ZNF521: variants seen among roughly 807,000 people sequenced by gnomAD.
ZNF521 encodes zinc finger protein 521, also known as LYST-interacting protein 3.
ZNF521 carries 14 observed loss-of-function variants against 105.5 expected under a neutral mutation model. That is an observed-to-expected ratio of 0.13 (90% CI 0.09 to 0.21). The LOEUF is 0.21. ZNF521 is among the 10% of genes least tolerant of loss of function. ZNF521 has a pLI of 1.00. For synonymous variants in ZNF521, 635 were observed against 606.0 expected (o/e 1.05, Z -0.70); for missense variants, 1,233 against 1,629.7 (o/e 0.76, Z 4.19).
chr18:25,074,026 G>A (rs1053941132), intron 7 of ZNF521, among the ~76,000 whole-genome samples: 4 of 150,560 alleles, frequency 2.7e-5, no homozygotes, highest in African/African-American at 9.7e-5. Context: ...TGAGAGGTGT[G>A]TGTGCGTGCA....
intron 5 of ZNF521, among the ~76,000 whole-genome samples, chr18:25,139,860 T>C (rs2034813631): frequency 1.3e-5 from 2 of 152,130 alleles, no homozygotes; most frequent in Admixed American, 6.6e-5. Context: ...GGTTCTGAGA[T>C]TGGAGCCCTC....
intron 5 of ZNF521, among the ~76,000 whole-genome samples, chr18:25,095,671 A>C (rs2033837048): frequency 6.6e-6 from 1 of 152,178 alleles, no homozygotes; most frequent in Non-Finnish European, 1.5e-5. Context: ...TACAACACTG[A>C]AATTTTGCTA....
At chr18:25,329,309 C>T (rs1913414911) in intron 2 of ZNF521, among the ~76,000 whole-genome samples, 1 of 152,124 alleles carries the variant, frequency 6.6e-6, no homozygotes, top group Non-Finnish European at 1.5e-5. Context: ...AAACTTATCA[C>T]TTTTCTGCAT....
At chr18:25,246,308 G>T (rs1259593364) in intron 3 of ZNF521, among the ~76,000 whole-genome samples, 1 of 152,048 alleles carries the variant, frequency 6.6e-6, no homozygotes, top group African/African-American at 2.4e-5. Context: ...TGAGTTTGTT[G>T]CTCAAAAGCT....
chr18:25,130,043 T>C (rs2034611950), intron 5 of ZNF521, among the ~76,000 whole-genome samples: 1 of 152,190 alleles, frequency 6.6e-6, no homozygotes, highest in South Asian at 2.1e-4. Context: ...ACACGAATGT[T>C]TACAGCAGCT....
chr18:25,308,914 TA>T (rs1182051163), intron 3 of ZNF521, among the ~76,000 whole-genome samples: 1 of 152,114 alleles, frequency 6.6e-6, no homozygotes, highest in Non-Finnish European at 1.5e-5. Flanking sequence ...CTGCAGTATC[TA>T]ATCAATATAA....
intron 5 of ZNF521, among the ~76,000 whole-genome samples, chr18:25,168,302 T>C (rs753534943): frequency 6.6e-6 from 1 of 152,208 alleles, no homozygotes; most frequent in Non-Finnish European, 1.5e-5. Flanking sequence ...TCTGCATTAC[T>C]ACACCTCAGT....
intron 5 of ZNF521, among the ~76,000 whole-genome samples, chr18:25,127,977 G>A (rs2034567563): frequency 6.6e-6 from 1 of 151,916 alleles, no homozygotes; most frequent in South Asian, 2.1e-4. Flanking sequence ...ATTCTATGAT[G>A]CCAGCCTTTA....
intron 4 of ZNF521, 83 bp from the exon 5 acceptor site, chr18:25,195,327 G>T: frequency 8.9e-7 from 1 of 1,123,498 alleles, no homozygotes; most frequent in Non-Finnish European, 1.3e-6. Flanking sequence ...TTTCTGAGAT[G>T]CTGATCTTAC....
intron 5 of ZNF521, among the ~76,000 whole-genome samples, chr18:25,116,903 G>T (rs1205316513): frequency 7.5e-6 from 1 of 134,056 alleles, no homozygotes; most frequent in African/African-American, 2.9e-5. Context: ...ATATATATGT[G>T]TATATATACG....
intron 3 of ZNF521, among the ~76,000 whole-genome samples, chr18:25,291,499 C>T (rs1911019181): frequency 6.6e-6 from 1 of 152,086 alleles, no homozygotes; most frequent in African/African-American, 2.4e-5. Context: ...TGAATTTGAG[C>T]TTCAGATATA....
At position 25,062,632 on chromosome 18, in the gene ZNF521, A is replaced by G; in HGVS notation, c.*80T>C. On this transcript the variant is annotated 3_prime_UTR_variant, in exon 8 of 8. Transcript: ENST00000361524. ...TGTTTCTGAATAATATACATTAACA[A>G]TGAAAGTTTCGTGCAAAGAGTAAAA... 6.7e-7 allele frequency: 1 copy of G among 1,498,382 alleles called. No individual in the cohort carries two copies. Among genetic ancestry groups the G allele is most frequent in the Non-Finnish European group, 9.1e-7 (1 of 1,096,536 alleles). The allele number at this position is 1,498,382 out of a possible 1,614,324, so 92.8% of individuals were successfully genotyped here.
intron 5 of ZNF521, among the ~76,000 whole-genome samples, chr18:25,128,805 A>G (rs1204427170): frequency 6.6e-6 from 1 of 151,956 alleles, no homozygotes; most frequent in Non-Finnish European, 1.5e-5. Flanking sequence ...ATTTAAAAAG[A>G]TCAACATAAA....
At chr18:25,102,760 G>A (rs1306830875) in intron 5 of ZNF521, among the ~76,000 whole-genome samples, 1 of 151,986 alleles carries the variant, frequency 6.6e-6, no homozygotes, top group Non-Finnish European at 1.5e-5. Context: ...CAGGCTTCCC[G>A]AATCCAAGAT....
At chr18:25,277,039 C>A (rs559161529) in intron 3 of ZNF521, among the ~76,000 whole-genome samples, 100 of 152,062 alleles carry the variant, frequency 6.6e-4, no homozygotes, top group Non-Finnish European at 1.2e-3. Context: ...AAAAATTAGC[C>A]GAGTGTGGTG....
intron 5 of ZNF521, among the ~76,000 whole-genome samples, chr18:25,186,536 T>C (rs2035724720): frequency 6.6e-6 from 1 of 152,176 alleles, no homozygotes; most frequent in Non-Finnish European, 1.5e-5. Context: ...CAGGTAATCA[T>C]GAAAACTATA....
At chr18:25,335,774 T>C (rs1030376530) in intron 2 of ZNF521, among the ~76,000 whole-genome samples, 2 of 152,184 alleles carry the variant, frequency 1.3e-5, no homozygotes, top group African/African-American at 4.8e-5. Flanking sequence ...TTATGACAGT[T>C]TACATTTAGT....
intron 7 of ZNF521, among the ~76,000 whole-genome samples, chr18:25,072,684 C>A (rs1036947669): frequency 2.0e-5 from 3 of 152,160 alleles, no homozygotes; most frequent in African/African-American, 7.2e-5. Flanking sequence ...TTAAATCAAA[C>A]TATATAAAGC....
At chr18:25,336,847 C>A (rs1350959717) in intron 2 of ZNF521, among the ~76,000 whole-genome samples, 1 of 152,114 alleles carries the variant, frequency 6.6e-6, no homozygotes, top group Admixed American at 6.5e-5. Context: ...AGTGAGAAAA[C>A]CTTTGAGAGT....
Sources: gnomAD v4.1 joint callset for allele counts (sites outside exome capture counted in the v4.1 genomes callset) on GRCh38, gnomAD v4.1.1 for gene constraint, MANE v1.5 for transcripts, NCBI Gene and HGNC (gene_info 2026-07-23, HGNC 2026-07-21) for gene names.